PTPRD: variants seen among roughly 807,000 people sequenced by gnomAD.
The protein encoded by PTPRD is protein tyrosine phosphatase receptor type D, also known as receptor-type tyrosine-protein phosphatase delta.
PTPRD carries 34 observed loss-of-function variants against 214.5 expected under a neutral mutation model. The ratio of observed to expected loss-of-function variants is 0.16; its 90% confidence interval spans 0.12 to 0.21. The LOEUF (loss-of-function observed/expected upper bound fraction) is 0.21. Among genes scored for constraint, PTPRD ranks in the 10% least tolerant of loss-of-function variants. PTPRD has a pLI of 1.00. For missense variants in PTPRD, 2,545 were observed against 2,398.7 expected (o/e 1.06, Z -1.27); for synonymous variants, 1,128 against 845.7 (o/e 1.33, Z -5.79).
intron 8 of PTPRD, among the ~76,000 whole-genome samples, chr9:9,528,241 A>T (rs2074610129): frequency 6.6e-6 from 1 of 152,204 alleles, no homozygotes; most frequent in African/African-American, 2.4e-5. Flanking sequence ...ATGAGAGAAA[A>T]CTACCAGAGA....
chr9:9,016,858 G>A (rs2099537657), intron 11 of PTPRD, among the ~76,000 whole-genome samples: 1 of 152,038 alleles, frequency 6.6e-6, no homozygotes, highest in South Asian at 2.1e-4. Flanking sequence ...CTGTCACTAG[G>A]CAGTATTCTC....
At chr9:10,016,093 C>A (rs10733199) in intron 4 of PTPRD, among the ~76,000 whole-genome samples, 1 of 151,910 alleles carries the variant, frequency 6.6e-6, no homozygotes, top group South Asian at 2.1e-4. Context: ...CTATCAATCT[C>A]AATTAAATCA....
chr9:8,628,981 T>C (rs1256859963), intron 14 of PTPRD, among the ~76,000 whole-genome samples: 5 of 151,810 alleles, frequency 3.3e-5, no homozygotes, highest in African/African-American at 1.2e-4. Flanking sequence ...TCTGTTGTGC[T>C]AGTGGTGGTG....
intron 6 of PTPRD, among the ~76,000 whole-genome samples, chr9:9,738,015 C>T (rs2098330481): frequency 1.3e-5 from 2 of 151,906 alleles, no homozygotes; most frequent in African/African-American, 4.8e-5. Flanking sequence ...AAAAATCAAA[C>T]ACCGCATGTT....
chr9:10,394,206 TATATA>T (rs2098128081), intron 2 of PTPRD, among the ~76,000 whole-genome samples: 1 of 143,718 alleles, frequency 7.0e-6, no homozygotes, highest in African/African-American at 2.6e-5. Flanking sequence ...ATAAAGATAA[TATATA>T]ATATATATTT....
intron 11 of PTPRD, among the ~76,000 whole-genome samples, chr9:8,931,098 T>G (rs901708755): frequency 6.6e-6 from 1 of 152,142 alleles, no homozygotes; most frequent in Non-Finnish European, 1.5e-5. Context: ...GGTTTAGGTC[T>G]GACATTTAAG....
intron 14 of PTPRD, among the ~76,000 whole-genome samples, chr9:8,541,875 T>C (rs557723894): frequency 6.6e-6 from 1 of 152,156 alleles, no homozygotes; most frequent in South Asian, 2.1e-4. Context: ...CACTATGCTT[T>C]CAAATATCAA....
chr9:8,351,636 T>C (rs1173354328), intron 39 of PTPRD, among the ~76,000 whole-genome samples: 1 of 150,290 alleles, frequency 6.7e-6, no homozygotes, highest in Non-Finnish European at 1.5e-5. Context: ...AGCTCCTGTG[T>C]AGCCCAGACT....
chr9:9,059,350 C>T (rs1411411512), intron 10 of PTPRD, among the ~76,000 whole-genome samples: 1 of 152,114 alleles, frequency 6.6e-6, no homozygotes, highest in African/African-American at 2.4e-5. Context: ...CAGAAAAATT[C>T]TCAGGGCTCA....
chr9:10,156,507 T>C (rs2099094371), intron 3 of PTPRD, among the ~76,000 whole-genome samples: 1 of 152,192 alleles, frequency 6.6e-6, no homozygotes. Context: ...AAGAGAGTTG[T>C]TATGGGTTCA....
At position 9,904,517 on chromosome 9, in the gene PTPRD, C is replaced by A. The variant is rs150754642; in HGVS notation, c.-368+33990G>T. Among the ~76,000 whole-genome samples the A allele has an allele frequency of 3.5e-3, 535 of 152,034 alleles. 4 individuals carry two copies. The highest frequency in any genetic ancestry group is 0.02 in the Middle Eastern group (6 of 294). ...TATCTCAAAGGGTAAGATCACAAAC[C>A]AAAGGTTATGCTCTCAACTGTATCA... On this transcript the variant is annotated intron_variant, in intron 5 of 45. Coordinates refer to ENST00000381196, the MANE Select transcript of PTPRD (RefSeq NM_002839.4).
chr9:9,221,752 T>C (rs549734594), intron 9 of PTPRD, among the ~76,000 whole-genome samples: 1 of 152,172 alleles, frequency 6.6e-6, no homozygotes, highest in African/African-American at 2.4e-5. Context: ...AGGACCAGAA[T>C]TCTGTCCATA....
At chr9:8,894,215 T>G (rs985583713) in intron 11 of PTPRD, among the ~76,000 whole-genome samples, 1 of 151,234 alleles carries the variant, frequency 6.6e-6, no homozygotes, top group African/African-American at 2.4e-5. Context: ...AATAGCCAGG[T>G]GTGGTAATGC....
intron 10 of PTPRD, among the ~76,000 whole-genome samples, chr9:9,181,755 G>C (rs562672067): frequency 1.3e-5 from 2 of 152,032 alleles, no homozygotes; most frequent in South Asian, 4.1e-4. Flanking sequence ...GGTCTGTCTT[G>C]AAGAAACAAT....
At position 9,166,601 on chromosome 9, in the gene PTPRD, G is replaced by C. The variant is rs746480407; in HGVS notation, c.-143+16703C>G. 2.6e-5 allele frequency among the ~76,000 whole-genome samples: 4 copies of C among 152,108 alleles called. No homozygotes were observed. In the East Asian group the frequency reaches 7.7e-4, roughly 29 times the overall value. The stretch of plus-strand genomic sequence containing the variant: ...CATTCTCTAATCAGCCCTCTCCTCT[G>C]CTGCAACAGACCATGTTAGCCAGTT... On this transcript the variant is annotated intron_variant, in intron 10 of 45. Transcript: ENST00000381196.
At chr9:10,050,318 G>A (rs2154152856) in intron 3 of PTPRD, among the ~76,000 whole-genome samples, 1 of 151,924 alleles carries the variant, frequency 6.6e-6, no homozygotes, top group East Asian at 1.9e-4. Flanking sequence ...CTAGCACTTT[G>A]GGAGGCTGAG....
chr9:10,351,212 T>C (rs771730403), intron 2 of PTPRD, among the ~76,000 whole-genome samples: 1 of 152,200 alleles, frequency 6.6e-6, no homozygotes, highest in Non-Finnish European at 1.5e-5. Context: ...TGTAAATTTT[T>C]TTTTAATCAT....
intron 3 of PTPRD, among the ~76,000 whole-genome samples, chr9:10,330,095 G>T (rs2096722060): frequency 6.6e-6 from 1 of 151,528 alleles, no homozygotes; most frequent in Non-Finnish European, 1.5e-5. Context: ...TGTTTCTGAG[G>T]AGGTAACTGT....
intron 8 of PTPRD, among the ~76,000 whole-genome samples, chr9:9,449,430 C>A (rs971213542): frequency 1.3e-5 from 2 of 151,942 alleles, no homozygotes; most frequent in African/African-American, 2.4e-5. Context: ...TTTTAAGCTA[C>A]CAGTAGTGAA....
Sources: gnomAD v4.1 joint callset for allele counts (sites outside exome capture counted in the v4.1 genomes callset) on GRCh38, gnomAD v4.1.1 for gene constraint, MANE v1.5 for transcripts, NCBI Gene and HGNC (gene_info 2026-07-23, HGNC 2026-07-21) for gene names.